The following TMEM263 variants were observed in gnomAD, a reference collection of about 807,000 sequenced individuals.
TMEM263 encodes the protein UPF0444 transmembrane protein C12orf23.
In TMEM263, 5 loss-of-function variants were observed where a neutral mutation model predicts 8.6. The observed-to-expected ratio is 0.58, with a 90% CI of 0.31 to 1.23. TMEM263 has a LOEUF of 1.23. Among genes scored for constraint, TMEM263 ranks in the 50% most tolerant of loss-of-function variants. TMEM263 has a pLI of 0.07. For missense variants in TMEM263, 104 were observed against 138.8 expected, an observed-to-expected ratio of 0.75 and a Z score of 1.26; for synonymous variants, 50 against 47.9, an observed-to-expected ratio of 1.04 and a Z score of -0.18.
intron 1 of TMEM263, among the ~76,000 whole-genome samples, chr12:106,956,276 A>G (rs1413766082): frequency 6.6e-6 from 1 of 151,840 alleles, no homozygotes; most frequent in Non-Finnish European, 1.5e-5. Context: ...TCCTCCTTAT[A>G]CGTCGCTGAC....
intron 3 of TMEM263, among the ~76,000 whole-genome samples, chr12:106,970,680 T>G (rs1415387758): frequency 6.6e-6 from 1 of 152,238 alleles, no homozygotes. Flanking sequence ...TGAAAACTAC[T>G]GCATTTTACG....
rs769383135 is a variant in TMEM263, at chr12:106,967,184, A to G, written c.64+4A>G. ...CTTAATGATGAACCACCAGAAGGTA[A>G]GTATGCATCTGTAACACTAAGAATG... is the stretch of plus-strand genomic sequence containing the variant. On this transcript the variant is annotated splice_donor_region_variant and intron_variant, in intron 3 of 3. Transcript: ENST00000280756. 12 of 1,549,496 alleles carry G rather than the reference A, an allele frequency of 7.7e-6. No individual in the cohort carries two copies. The African/African-American group carries it at 1.6e-4, about 21-fold the overall frequency.
chr12:106,956,466 G>A (rs949904291), intron 1 of TMEM263, among the ~76,000 whole-genome samples: 1 of 152,176 alleles, frequency 6.6e-6, no homozygotes, highest in African/African-American at 2.4e-5. Flanking sequence ...CTGACCTGTT[G>A]CTAAACCTCC....
chr12:106,964,305 A>C (rs1951816792), intron 2 of TMEM263, among the ~76,000 whole-genome samples: 1 of 152,222 alleles, frequency 6.6e-6, no homozygotes, highest in South Asian at 2.1e-4. Flanking sequence ...GCAAGTATTT[A>C]ATGAAGTTAT....
At position 106,973,651 on chromosome 12, in the gene TMEM263, A is replaced by G. The variant is rs1951958737; in HGVS notation, c.*2260A>G. On this transcript the variant is annotated 3_prime_UTR_variant, in exon 4 of 4. Transcript: ENST00000280756. ...GTTGAAATGAACTTACCATCTGATG[A>G]TATGTATGTACAGCTGTGTACTTGA... 1 of 152,400 alleles carries G rather than the reference A, an allele frequency of 6.6e-6. No individual in the cohort carries two copies. The highest frequency in any genetic ancestry group is 2.1e-4 in the South Asian group (1 of 4,830). The allele number at this position is 152,400 out of a possible 1,614,324, so 9.4% of individuals were successfully genotyped here.
At position 106,973,423 on chromosome 12, in the gene TMEM263, T is replaced by C. The variant is rs946460696; in HGVS notation, c.*2032T>C. On this transcript the variant is annotated 3_prime_UTR_variant, in exon 4 of 4. Transcript: ENST00000280756. Reference sequence around the variant, plus strand: ...TATAGACATTTTGTTTACTGTATGCTTGCATATTTATTTTCAACTTTGTTT... The same window carrying C: ...TATAGACATTTTGTTTACTGTATGCCTGCATATTTATTTTCAACTTTGTTT... 1 of 152,602 alleles carries C rather than the reference T, an allele frequency of 6.6e-6. No individual in the cohort carries two copies. The highest frequency in any genetic ancestry group is 2.4e-5 in the African/African-American group (1 of 41,470). 9.5% of individuals were successfully genotyped at this position (152,602 alleles called of 1,614,324 possible).
chr12:106,969,316 G>T (rs1018266884), intron 3 of TMEM263, among the ~76,000 whole-genome samples: 2 of 152,102 alleles, frequency 1.3e-5, no homozygotes, highest in African/African-American at 4.8e-5. Context: ...TTGGACTTAC[G>T]TACCCAGTAA....
At chr12:106,966,011 G>T (rs1812211746) in intron 2 of TMEM263, among the ~76,000 whole-genome samples, 1 of 152,050 alleles carries the variant, frequency 6.6e-6, no homozygotes, top group African/African-American at 2.4e-5. Context: ...TTAGGGTCAG[G>T]AGTACATGTG....
Position 106,961,528 on chromosome 12 carries a change from C to T in TMEM263, c.-7+4379C>T, listed in dbSNP as rs1030225101. ...TGTGGAAGTGTGGAGGAAGATAGGA[C>T]ACAACTGTGCAGGCCACAGGAGCCT... On this transcript the variant is annotated intron_variant, in intron 2 of 3. Transcript: ENST00000280756. 5.9e-4 allele frequency among the ~76,000 whole-genome samples: 89 copies of T among 152,132 alleles called. 1 individual carries two copies. The highest frequency in any genetic ancestry group is 6.3e-4 in the Non-Finnish European group (43 of 67,982).
intron 2 of TMEM263, among the ~76,000 whole-genome samples, chr12:106,963,690 G>C (rs1489901543): frequency 6.6e-6 from 1 of 152,140 alleles, no homozygotes; most frequent in Admixed American, 6.6e-5. Flanking sequence ...ATCCACAGAA[G>C]GATGAAGTCA....
intron 2 of TMEM263, among the ~76,000 whole-genome samples, chr12:106,963,676 G>T (rs1487424865): frequency 1.3e-5 from 2 of 152,150 alleles, no homozygotes; most frequent in Non-Finnish European, 2.9e-5. Context: ...GGTTCTTAAT[G>T]CTTATCCACA....
At chr12:106,967,905 C>T (rs766644553) in intron 3 of TMEM263, among the ~76,000 whole-genome samples, 2 of 152,158 alleles carry the variant, frequency 1.3e-5, no homozygotes, top group African/African-American at 2.4e-5. Flanking sequence ...TGGTACCTCT[C>T]CTCTATTAAC....
chr12:106,958,057 G>T (rs1951724120), intron 2 of TMEM263, among the ~76,000 whole-genome samples: 1 of 152,188 alleles, frequency 6.6e-6, no homozygotes, highest in Non-Finnish European at 1.5e-5. Context: ...GAGTGAGGAT[G>T]TGGTAAAGTT....
At chr12:106,958,519 TC>T (rs1226351268) in intron 2 of TMEM263, among the ~76,000 whole-genome samples, 1 of 152,222 alleles carries the variant, frequency 6.6e-6, no homozygotes, top group East Asian at 1.9e-4. Flanking sequence ...AAGAATTATT[TC>T]TCCCCATCTC....
chr12:106,956,744 CTT>C, intron 1 of TMEM263: 1 of 152,504 alleles, frequency 6.6e-6, no homozygotes, highest in East Asian at 1.9e-4. Context: ...GTCCTAAACC[CTT>C]CTTACATAGA....
chr12:106,971,433 G>A lies in TMEM263; in HGVS notation c.*42G>A, dbSNP rs1432807310. 1 of 1,525,502 alleles carries A rather than the reference G, an allele frequency of 6.6e-7. No individual in the cohort carries two copies. Among genetic ancestry groups the A allele is most frequent in the African/African-American group, 1.4e-5 (1 of 72,372 alleles). 94.5% of individuals were successfully genotyped at this position (1,525,502 alleles called of 1,614,324 possible). A position where few individuals can be genotyped will look rare whatever the true frequency, so the allele number is the denominator to read the frequency against. On this transcript the variant is annotated 3_prime_UTR_variant, in exon 4 of 4. Transcript: ENST00000280756. ...TGCGCTCCACAGCACTGTAATGCCAGTGGCATTGAATTGCTAAATTATGGA... is the reference window on the plus strand; with the variant it reads ...TGCGCTCCACAGCACTGTAATGCCAATGGCATTGAATTGCTAAATTATGGA...
chr12:106,973,363 T>C lies in TMEM263; in HGVS notation c.*1972T>C, dbSNP rs763370877. The C allele has an allele frequency of 3.9e-5, 6 of 152,608 alleles. No individual in the cohort carries two copies. The highest frequency in any genetic ancestry group is 1.2e-4 in the African/African-American group (5 of 41,468). 9.5% of individuals were successfully genotyped at this position (152,608 alleles called of 1,614,324 possible). ...TTTGTATTTCTAACTTCTACAGTTA[T>C]AGACTCCACTGTGCTTTGTGTCTGA... On this transcript the variant is annotated 3_prime_UTR_variant, in exon 4 of 4. Coordinates refer to ENST00000280756, the MANE Select transcript of TMEM263 (RefSeq NM_152261.4).
intron 2 of TMEM263, among the ~76,000 whole-genome samples, chr12:106,958,715 A>G (rs1409440260): frequency 6.6e-6 from 1 of 152,268 alleles, no homozygotes; most frequent in Non-Finnish European, 1.5e-5. Flanking sequence ...AATAAGTTAA[A>G]TCATTTGTAC....
intron 2 of TMEM263, among the ~76,000 whole-genome samples, chr12:106,958,593 G>A (rs1951730484): frequency 6.6e-6 from 1 of 152,128 alleles, no homozygotes; most frequent in African/African-American, 2.4e-5. Flanking sequence ...CAACAAAGAA[G>A]CCTTTCATAT....
Sources: gnomAD v4.1 joint callset for allele counts (sites outside exome capture counted in the v4.1 genomes callset) on GRCh38, gnomAD v4.1.1 for gene constraint, MANE v1.5 for transcripts, NCBI Gene and HGNC (gene_info 2026-07-23, HGNC 2026-07-21) for gene names.